The following TMEM108 variants were observed in gnomAD, a reference collection of about 807,000 sequenced individuals.
The protein encoded by TMEM108 is cancer/testis antigen 124.
Under a neutral mutation model 35.1 loss-of-function variants are expected in TMEM108, and 12 were observed. The observed-to-expected ratio is 0.34, with a 90% confidence interval of 0.22 to 0.55. TMEM108 has a LOEUF of 0.55. Ranked by LOEUF, TMEM108 falls within the 20% of genes least tolerant of loss-of-function variation. The pLI, the probability that TMEM108 is intolerant of heterozygous loss-of-function variation, is 0.89. For synonymous variants in TMEM108, 287 were observed against 308.6 expected (o/e 0.93, Z 0.73); for missense variants, 680 against 753.3 (o/e 0.90, Z 1.14).
Position 133,388,678 on chromosome 3 carries a change from C to CCCTA in TMEM108, c.1451-1501_1451-1498dup, listed in dbSNP as rs989334982. 1.7e-5 allele frequency: 17 copies of CCCTA among 985,318 alleles called. No individual in the cohort carries two copies. In the African/African-American group the frequency reaches 2.6e-4, roughly 15 times the overall value. The allele number at this position is 985,318 out of a possible 1,614,324, so 61.0% of individuals were successfully genotyped here. On this transcript the variant is annotated intron_variant, in intron 4 of 5. Transcript: ENST00000321871. ...GCAGATAAGATAAAGTAGAAACTTACCCTATCTCCTAACCTTGTACAGAGA... is the reference window on the plus strand; with the variant it reads ...GCAGATAAGATAAAGTAGAAACTTACCCTACCTATCTCCTAACCTTGTACAGAGA...
At chr3:133,042,684 A>C (rs1202130222) in intron 1 of TMEM108, among the ~76,000 whole-genome samples, 1 of 152,206 alleles carries the variant, frequency 6.6e-6, no homozygotes, top group African/African-American at 2.4e-5. Context: ...GTAGGAAGAA[A>C]CTCTTGAAGA....
chr3:133,336,912 G>T (rs764816553), intron 3 of TMEM108, among the ~76,000 whole-genome samples: 1 of 152,136 alleles, frequency 6.6e-6, no homozygotes, highest in Non-Finnish European at 1.5e-5. Context: ...TAGACTGGCA[G>T]TACTCCCCTG....
intron 3 of TMEM108, among the ~76,000 whole-genome samples, chr3:133,281,913 T>C (rs909538548): frequency 7.9e-5 from 12 of 152,170 alleles, no homozygotes; most frequent in Admixed American, 7.2e-4. Flanking sequence ...ATCCCAGCAC[T>C]TTGGGAGGCC....
At chr3:133,186,524 G>A (rs182685043) in intron 2 of TMEM108, among the ~76,000 whole-genome samples, 6 of 152,272 alleles carry the variant, frequency 3.9e-5, no homozygotes, top group East Asian at 3.9e-4. Context: ...AAAAGGCTTA[G>A]GAATCAAAAC....
At chr3:133,351,436 C>G (rs536921687) in intron 3 of TMEM108, among the ~76,000 whole-genome samples, 1 of 152,122 alleles carries the variant, frequency 6.6e-6, no homozygotes, top group African/African-American at 2.4e-5. Context: ...TTTTGTTTGC[C>G]GGTTTTAAAA....
chr3:133,235,134 T>C (rs1351528243), intron 3 of TMEM108, among the ~76,000 whole-genome samples: 1 of 152,194 alleles, frequency 6.6e-6, no homozygotes. Context: ...CATTCCATGT[T>C]CATGGATAGG....
intron 3 of TMEM108, among the ~76,000 whole-genome samples, chr3:133,337,466 G>A (rs910975730): frequency 9.9e-5 from 15 of 152,160 alleles, no homozygotes; most frequent in Admixed American, 2.6e-4. Context: ...GTACCTCTAT[G>A]AGTCTGTAAG....
At chr3:133,387,472 C>G in intron 4 of TMEM108, 1 of 985,448 alleles carries the variant, frequency 1.0e-6, no homozygotes, top group Non-Finnish European at 1.2e-6. Context: ...TGTTCTGACT[C>G]CCAGGCCTTC....
intron 3 of TMEM108, among the ~76,000 whole-genome samples, chr3:133,343,635 G>C (rs75527574): frequency 0.017 from 2,610 of 151,914 alleles, 66 homozygotes; most frequent in African/African-American, 0.058. Context: ...AAAAGAAAAG[G>C]AAACTATATG....
intron 2 of TMEM108, chr3:133,118,946 C>A (rs1239883480): frequency 6.6e-6 from 1 of 152,176 alleles, no homozygotes; most frequent in Non-Finnish European, 1.5e-5. Flanking sequence ...CATCATTAAC[C>A]TCTCTTACCT....
intron 2 of TMEM108, among the ~76,000 whole-genome samples, chr3:133,175,438 C>T (rs899280490): frequency 6.6e-6 from 1 of 152,146 alleles, no homozygotes; most frequent in African/African-American, 2.4e-5. Context: ...TCGGGTTACC[C>T]ACAAAGGGAA....
chr3:133,057,024 T>G (rs906192124), intron 2 of TMEM108, among the ~76,000 whole-genome samples: 3 of 152,188 alleles, frequency 2.0e-5, no homozygotes, highest in Non-Finnish European at 4.4e-5. Context: ...CGGAGTTTAT[T>G]TAAGTAGACT....
At chr3:133,168,859 G>A (rs961925337) in intron 2 of TMEM108, among the ~76,000 whole-genome samples, 9 of 152,116 alleles carry the variant, frequency 5.9e-5, no homozygotes, top group Non-Finnish European at 4.4e-5. Flanking sequence ...TGAGGCCAGC[G>A]AGACCACAAA....
chr3:133,384,572 C>G (rs1423048572), intron 4 of TMEM108, among the ~76,000 whole-genome samples: 2 of 152,162 alleles, frequency 1.3e-5, no homozygotes, highest in African/African-American at 4.8e-5. Flanking sequence ...GTGCTGAGAA[C>G]TGAAATTGAT....
chr3:133,269,126 C>T (rs905101672), intron 3 of TMEM108, among the ~76,000 whole-genome samples: 2 of 152,146 alleles, frequency 1.3e-5, no homozygotes, highest in African/African-American at 4.8e-5. Context: ...TGTTTTTCCC[C>T]CTCCATTCTT....
chr3:133,368,114 G>A (rs1289716215), intron 3 of TMEM108, among the ~76,000 whole-genome samples: 2 of 152,132 alleles, frequency 1.3e-5, no homozygotes, highest in African/African-American at 4.8e-5. Flanking sequence ...TATGCTCTCT[G>A]ACGAGTGCAC....
chr3:133,356,235 A>T (rs982240103), intron 3 of TMEM108, among the ~76,000 whole-genome samples: 2 of 150,302 alleles, frequency 1.3e-5, no homozygotes, highest in African/African-American at 4.9e-5. Context: ...AGCTGAAAAA[A>T]AAAGAAAACC....
intron 2 of TMEM108, among the ~76,000 whole-genome samples, chr3:133,056,894 G>A (rs1458943009): frequency 1.3e-5 from 2 of 152,258 alleles, no homozygotes; most frequent in Middle Eastern, 3.4e-3. Flanking sequence ...TATCGTGAAC[G>A]TCGAATGCTC....
chr3:133,169,554 A>G (rs1427284727), intron 2 of TMEM108, among the ~76,000 whole-genome samples: 1 of 152,358 alleles, frequency 6.6e-6, no homozygotes, highest in East Asian at 1.9e-4. Context: ...GTTGTTGTGG[A>G]AGGAGATGCT....
Sources: allele counts gnomAD v4.1 joint callset (sites outside exome capture counted in the v4.1 genomes callset), GRCh38; gene constraint gnomAD v4.1.1; transcripts MANE v1.5; gene names NCBI Gene and HGNC (gene_info 2026-07-23, HGNC 2026-07-21).